EPHA6: variants seen among roughly 807,000 people sequenced by gnomAD.
EPHA6 encodes ephrin type-A receptor 6.
EPHA6 carries 50 observed loss-of-function variants against 112.0 expected under a neutral mutation model. That is an observed-to-expected ratio of 0.45 (90% CI 0.36 to 0.56). The LOEUF is 0.56. Among genes scored for constraint, EPHA6 ranks in the 20% least tolerant of loss-of-function variants. The probability of loss-of-function intolerance (pLI) is 0.00; values close to 1 mark genes in which losing one functional copy is unlikely to be tolerated. For synonymous variants in EPHA6, 529 were observed against 490.7 expected (o/e 1.08, Z -1.03); for missense variants, 1,280 against 1,417.4 (o/e 0.90, Z 1.56).
chr3:97,702,929 C>G (rs2033478043), intron 14 of EPHA6, among the ~76,000 whole-genome samples: 1 of 151,992 alleles, frequency 6.6e-6, no homozygotes, highest in South Asian at 2.1e-4. Context: ...GCATGAACAC[C>G]CACTGTACTA....
At chr3:97,661,504 T>C (rs1001813918) in intron 14 of EPHA6, among the ~76,000 whole-genome samples, 5 of 152,052 alleles carry the variant, frequency 3.3e-5, no homozygotes, top group African/African-American at 1.2e-4. Flanking sequence ...AATAATCAGG[T>C]TTTGCAGACA....
At chr3:97,272,402 C>T (rs981091409) in intron 5 of EPHA6, among the ~76,000 whole-genome samples, 11 of 152,068 alleles carry the variant, frequency 7.2e-5, no homozygotes, top group Middle Eastern at 3.4e-3. Flanking sequence ...CAACATAAGG[C>T]GATCTCATCA....
intron 5 of EPHA6, among the ~76,000 whole-genome samples, chr3:97,368,351 AT>A (rs1190964417): frequency 6.6e-6 from 1 of 152,142 alleles, no homozygotes; most frequent in African/African-American, 2.4e-5. Context: ...ATATTTAGTT[AT>A]TTATAAATAT....
chr3:97,199,939 C>T (rs1367203998), intron 3 of EPHA6, among the ~76,000 whole-genome samples: 5 of 151,992 alleles, frequency 3.3e-5, no homozygotes, highest in African/African-American at 1.2e-4. Context: ...AAAATAATGG[C>T]AGCAATCAAT....
chr3:97,605,001 C>A (rs923975506), intron 12 of EPHA6, among the ~76,000 whole-genome samples: 8 of 151,338 alleles, frequency 5.3e-5, no homozygotes, highest in Non-Finnish European at 1.0e-4. Context: ...GGCATTTAGT[C>A]CTGAGGTCAA....
intron 3 of EPHA6, among the ~76,000 whole-genome samples, chr3:97,137,776 G>A (rs1051641246): frequency 6.6e-6 from 1 of 151,920 alleles, no homozygotes; most frequent in Admixed American, 6.6e-5. Flanking sequence ...TAATTTAAAC[G>A]TGGCACATAT....
intron 5 of EPHA6, among the ~76,000 whole-genome samples, chr3:97,258,255 C>T (rs541506924): frequency 5.9e-4 from 84 of 143,382 alleles, no homozygotes; most frequent in Middle Eastern, 6.9e-3. Flanking sequence ...TATATATACA[C>T]ACACACACAC....
In EPHA6 at chr3:97,498,950, T is replaced by C. The variant is rs151059306; in HGVS notation, c.2200+14891T>C. ...CCACTCTATAAGATCTAACTGCACTTTGCAAAAGCAATAATCAAAAGAATT... is the reference window on the plus strand; with the variant it reads ...CCACTCTATAAGATCTAACTGCACTCTGCAAAAGCAATAATCAAAAGAATT... On this transcript the variant is annotated intron_variant, in intron 10 of 17. Coordinates refer to ENST00000389672, the MANE Select transcript of EPHA6 (RefSeq NM_001080448.3). Among the ~76,000 whole-genome samples the C allele has an allele frequency of 6.5e-3, 996 of 152,322 alleles. 12 individuals carry two copies. The highest frequency in any genetic ancestry group is 0.022 in the African/African-American group (916 of 41,584).
chr3:97,500,496 C>T (rs139428990), intron 10 of EPHA6, among the ~76,000 whole-genome samples: 29 of 152,014 alleles, frequency 1.9e-4, no homozygotes, highest in African/African-American at 6.3e-4. Flanking sequence ...GACCAGATCT[C>T]GCTATTATGA....
At chr3:97,186,211 A>AT (rs1240821458) in intron 3 of EPHA6, among the ~76,000 whole-genome samples, 1 of 129,078 alleles carries the variant, frequency 7.7e-6, no homozygotes, top group Admixed American at 7.3e-5. Flanking sequence ...TTAAAGTATA[A>AT]TAAAAAAAAA....
intron 10 of EPHA6, among the ~76,000 whole-genome samples, chr3:97,507,096 T>C (rs1560080912): frequency 6.6e-6 from 1 of 152,204 alleles, no homozygotes; most frequent in Non-Finnish European, 1.5e-5. Flanking sequence ...AAATATACAA[T>C]CATGTCATCT....
intron 10 of EPHA6, among the ~76,000 whole-genome samples, chr3:97,502,832 CAAAAAAAAAAA>C (rs397990595): frequency 5.3e-4 from 19 of 35,898 alleles, no homozygotes; most frequent in South Asian, 2.3e-3. Flanking sequence ...GACTCTGTCT[CAAAAAAAAAAA>C]AAAAAAAAAA....
chr3:97,165,130 A>G (rs1007407143), intron 3 of EPHA6, among the ~76,000 whole-genome samples: 33 of 152,124 alleles, frequency 2.2e-4, no homozygotes, highest in Admixed American at 1.9e-3. Context: ...GTGAGTTAAA[A>G]TGTGTTTCTG....
chr3:96,927,471 T>C (rs1302820202), intron 2 of EPHA6, among the ~76,000 whole-genome samples: 2 of 152,232 alleles, frequency 1.3e-5, no homozygotes, highest in Non-Finnish European at 2.9e-5. Context: ...CTAAATGTTT[T>C]TACTCTTTTC....
chr3:97,663,204 G>A (rs1441756056), intron 14 of EPHA6, among the ~76,000 whole-genome samples: 1 of 152,162 alleles, frequency 6.6e-6, no homozygotes, highest in South Asian at 2.1e-4. Flanking sequence ...AGCTATATTA[G>A]AAATATATAT....
intron 3 of EPHA6, among the ~76,000 whole-genome samples, chr3:97,224,818 A>G (rs575793994): frequency 3.9e-5 from 6 of 152,168 alleles, no homozygotes; most frequent in South Asian, 4.1e-4. Flanking sequence ...CCCCATTTAG[A>G]TTTATATATT....
At chr3:97,314,544 G>A (rs545254915) in intron 5 of EPHA6, among the ~76,000 whole-genome samples, 1 of 151,520 alleles carries the variant, frequency 6.6e-6, no homozygotes, top group Non-Finnish European at 1.5e-5. Context: ...TTGGTTTAGG[G>A]TATCTAAAAG....
Position 97,754,270 on chromosome 3 carries a change from T to C in EPHA6, c.*5569T>C, listed in dbSNP as rs897242513. On this transcript the variant is annotated 3_prime_UTR_variant, in exon 18 of 18. Coordinates refer to ENST00000389672, the MANE Select transcript of EPHA6 (RefSeq NM_001080448.3). ...CGCCCAGCTAATTTTGTATTTTTAG[T>C]AGAGACGGGATTTCTCCATGTTGGT... Among the ~76,000 whole-genome samples the C allele has an allele frequency of 6.6e-6, 1 of 151,996 alleles. No individual in the cohort carries two copies. The highest frequency in any genetic ancestry group is 1.9e-4 in the East Asian group (1 of 5,164).
chr3:96,965,854 TTTC>T (rs1231915693), intron 2 of EPHA6, among the ~76,000 whole-genome samples: 1 of 152,122 alleles, frequency 6.6e-6, no homozygotes, highest in Non-Finnish European at 1.5e-5. Context: ...CAGTTTTATT[TTTC>T]TTCATATAGT....
Sources: gnomAD v4.1 joint callset for allele counts (sites outside exome capture counted in the v4.1 genomes callset) on GRCh38, gnomAD v4.1.1 for gene constraint, MANE v1.5 for transcripts, NCBI Gene and HGNC (gene_info 2026-07-23, HGNC 2026-07-21) for gene names.